TACC3: variants seen among roughly 807,000 people sequenced by gnomAD.
TACC3 encodes transforming acidic coiled-coil containing protein 3.
TACC3 carries 52 observed loss-of-function variants against 86.0 expected under a neutral mutation model. The observed-to-expected ratio is 0.60, with a 90% CI of 0.48 to 0.76. The LOEUF is 0.76. TACC3 is among the 30% of genes least tolerant of loss of function. The probability of loss-of-function intolerance (pLI) is 0.00; values close to 1 mark genes in which losing one functional copy is unlikely to be tolerated. For missense variants in TACC3, 1,120 were observed against 1,070.4 expected, an observed-to-expected ratio of 1.05 and a Z score of -0.65; for synonymous variants, 512 against 430.0, an observed-to-expected ratio of 1.19 and a Z score of -2.36.
intron 3 of TACC3, among the ~76,000 whole-genome samples, chr4:1,727,501 C>T (rs1340544466): frequency 6.6e-6 from 1 of 152,170 alleles, no homozygotes; most frequent in African/African-American, 2.4e-5. Flanking sequence ...TGTGTCCAGC[C>T]GTTCCACCGG....
In TACC3 at chr4:1,728,763, A is replaced by C; in HGVS notation, c.1361A>C (p.Glu454Ala). Residue 454 changes from glutamate (E) to alanine (A), a missense_variant, in exon 4 of 16, where the codon GAG (glutamate) becomes GCG (alanine). Coordinates refer to ENST00000313288, the MANE Select transcript of TACC3 (RefSeq NM_006342.3). ...CAGTTGCATGCTGGGCCTGCCACGG[A>C]GGAGCCAGGTCCCTGTCTGAGCCAG... ...AEQLHAGPAT[E>A]EPGPCLSQQL... The C allele has an allele frequency of 6.2e-7, 1 of 1,609,980 alleles. No individual in the cohort carries two copies. Among genetic ancestry groups the C allele is most frequent in the Admixed American group, 1.7e-5 (1 of 59,666 alleles).
chr4:1,723,909 C>T, intron 3 of TACC3, 39 bp downstream of exon 3: 3 of 1,606,354 alleles, frequency 1.9e-6, no homozygotes, highest in East Asian at 2.2e-5. Context: ...GAGCTTCACC[C>T]TCTCTGTCCG....
intron 4 of TACC3, 113 bp from the exon 5 acceptor site, chr4:1,730,774 C>G: frequency 8.2e-7 from 1 of 1,219,500 alleles, no homozygotes; most frequent in Non-Finnish European, 1.2e-6. Context: ...GCTGAATGTT[C>G]ACGTGGCCGG....
intron 3 of TACC3, among the ~76,000 whole-genome samples, chr4:1,727,298 G>T (rs1237471602): frequency 1.3e-5 from 2 of 152,218 alleles, no homozygotes; most frequent in African/African-American, 2.4e-5. Flanking sequence ...TGTGCATGCT[G>T]TGGGCCTGGG....
intron 11 of TACC3, 54 bp downstream of exon 11, chr4:1,739,832 G>T (rs1718485930): frequency 1.4e-5 from 20 of 1,448,486 alleles, no homozygotes; most frequent in Non-Finnish European, 1.8e-5. Flanking sequence ...CGCCATCCTT[G>T]TCCCCATCCC....
At chr4:1,725,836 C>G (rs993537944) in intron 3 of TACC3, among the ~76,000 whole-genome samples, 1 of 152,234 alleles carries the variant, frequency 6.6e-6, no homozygotes, top group Non-Finnish European at 1.5e-5. Context: ...GTGCAGCTGC[C>G]CACGTGTCAT....
chr4:1,731,022 G>A (rs1212304890), intron 5 of TACC3, 60 bp downstream of exon 5: 1 of 1,605,522 alleles, frequency 6.2e-7, no homozygotes, highest in Non-Finnish European at 8.5e-7. Flanking sequence ...AGAGTAGCAG[G>A]CAGTGGAAGC....
At chr4:1,728,819 G>A (rs369034946) in intron 4 of TACC3, 32 bp downstream of exon 4, 61 of 1,564,020 alleles carry the variant, frequency 3.9e-5, no homozygotes, top group Non-Finnish European at 5.2e-5. Flanking sequence ...GGAGCGTGGC[G>A]TGGGGCAGCT....
chr4:1,737,819 G>C, intron 10 of TACC3, 117 bp downstream of exon 10: 3 of 1,007,294 alleles, frequency 3.0e-6, no homozygotes, highest in Non-Finnish European at 4.6e-6. Context: ...TGCCCCTGCT[G>C]GTTGGGGTGG....
At chr4:1,741,011 C>G (rs4865464) in intron 13 of TACC3, 25 bp downstream of exon 13, 1 of 1,585,244 alleles carries the variant, frequency 6.3e-7, no homozygotes, top group Admixed American at 1.8e-5. Context: ...CCCTGGTGTC[C>G]TCACCTCGGA....
intron 12 of TACC3, 127 bp downstream of exon 12, chr4:1,740,129 C>T: frequency 1.1e-6 from 1 of 912,374 alleles, no homozygotes. Context: ...ACACGAGTCC[C>T]TTCAACATGG....
At chr4:1,728,868 G>A (rs1717859747) in intron 4 of TACC3, 81 bp downstream of exon 4, 1 of 1,388,366 alleles carries the variant, frequency 7.2e-7, no homozygotes, top group Non-Finnish European at 9.7e-7. Flanking sequence ...GAGGCCAGAA[G>A]TGTCATCAGA....
intron 3 of TACC3, among the ~76,000 whole-genome samples, chr4:1,725,562 T>C (rs575038785): frequency 1.3e-5 from 2 of 152,028 alleles, no homozygotes; most frequent in South Asian, 4.1e-4. Context: ...CCAGCTGCCA[T>C]GGGTGTGATC....
intron 12 of TACC3, chr4:1,740,499 C>A (rs185970313): frequency 3.7e-5 from 12 of 324,068 alleles, no homozygotes; most frequent in Admixed American, 2.8e-4. Context: ...AGGACCACCA[C>A]GAAGCACGAC....
intron 13 of TACC3, among the ~76,000 whole-genome samples, chr4:1,743,254 CAAA>C (rs60854843): frequency 1.1e-4 from 12 of 104,628 alleles, no homozygotes; most frequent in African/African-American, 3.4e-4. Context: ...GACTCCGTCT[CAAA>C]AAAAAAAAAA....
At chr4:1,732,474 G>A (rs1718051734) in intron 6 of TACC3, among the ~76,000 whole-genome samples, 1 of 150,142 alleles carries the variant, frequency 6.7e-6, no homozygotes, top group Non-Finnish European at 1.5e-5. Context: ...AGATTGGAAG[G>A]TGGAACGGTC....
intron 6 of TACC3, among the ~76,000 whole-genome samples, chr4:1,732,890 T>A (rs1379226091): frequency 6.6e-6 from 1 of 152,240 alleles, no homozygotes; most frequent in African/African-American, 2.4e-5. Context: ...GGAGTAGTGC[T>A]GCCTCGAATG....
Position 1,745,144 on chromosome 4 carries a change from C to G in TACC3, c.*131C>G, listed in dbSNP as rs1315484827. On this transcript the variant is annotated 3_prime_UTR_variant, in exon 16 of 16. Coordinates refer to ENST00000313288, the MANE Select transcript of TACC3 (RefSeq NM_006342.3). ...AAACTAGATTGCTTTGAAAACATGA[C>G]TCAATAAAAGTTTCCTTTCAATTTA... 2 of 1,002,592 alleles carry G rather than the reference C, an allele frequency of 2.0e-6. No individual in the cohort carries two copies. Among genetic ancestry groups the G allele is most frequent in the African/African-American group, 1.6e-5 (1 of 61,320 alleles). 62.1% of individuals were successfully genotyped at this position (1,002,592 alleles called of 1,614,324 possible).
chr4:1,735,581 G>C lies in TACC3; in HGVS notation c.1645-150G>C. On this transcript the variant is annotated intron_variant, in intron 7 of 15. Coordinates refer to ENST00000313288, the MANE Select transcript of TACC3 (RefSeq NM_006342.3). This position sits in a 1 kb window ranked among gnomAD's most constrained non-coding sequence, Gnocchi z 4.2. ...CTGACACGCTGTGCTGCTGGGAATG[G>C]TGGTGTCTCGGGCAGGGTTGTGGGT... The C allele has an allele frequency of 1.3e-6, 1 of 753,828 alleles. No homozygotes were observed. The highest frequency in any genetic ancestry group is 2.3e-6 in the Non-Finnish European group (1 of 432,754). 46.7% of individuals were successfully genotyped at this position (753,828 alleles called of 1,614,324 possible).
Sources: allele counts gnomAD v4.1 joint callset (sites outside exome capture counted in the v4.1 genomes callset), GRCh38; gene constraint gnomAD v4.1.1; non-coding constraint Gnocchi (gnomAD v3.1); transcripts MANE v1.5; gene names NCBI Gene and HGNC (gene_info 2026-07-23, HGNC 2026-07-21).